FADS2: variants seen among roughly 807,000 people sequenced by gnomAD.
The protein encoded by FADS2 is fatty acid desaturase 2, also known as acyl-CoA 6-desaturase.
A neutral mutation model predicts 61.2 loss-of-function variants in FADS2; 18 were observed. That is an observed-to-expected ratio of 0.29 (90% confidence interval 0.20 to 0.44). The LOEUF (loss-of-function observed/expected upper bound fraction) is 0.44, where lower values mean the gene tolerates loss of function less well. FADS2 is among the 20% of genes least tolerant of loss of function. The pLI, the probability that FADS2 is intolerant of heterozygous loss-of-function variation, is 1.00. For synonymous variants in FADS2, 203 were observed against 223.9 expected (o/e 0.91, Z 0.83); for missense variants, 322 against 572.7 (o/e 0.56, Z 4.47).
chr11:61,850,145 CT>C (rs1436203501), intron 5 of FADS2, among the ~76,000 whole-genome samples: 2 of 152,216 alleles, frequency 1.3e-5, no homozygotes, highest in African/African-American at 4.8e-5. Flanking sequence ...TCGTCTCCCT[CT>C]AGCCATATGG....
At chr11:61,844,931 A>T (rs1050913017) in intron 4 of FADS2, among the ~76,000 whole-genome samples, 20 of 150,654 alleles carry the variant, frequency 1.3e-4, no homozygotes, top group Admixed American at 9.2e-4. Context: ...TCTCAAAAAA[A>T]AAAAAGAAAA....
chr11:61,835,695 T>A (rs2067168245), intron 1 of FADS2, among the ~76,000 whole-genome samples: 1 of 151,246 alleles, frequency 6.6e-6, no homozygotes, highest in African/African-American at 2.4e-5. Flanking sequence ...CCCGGCCCCC[T>A]CTTCTTTTTA....
chr11:61,826,875 G>A (rs1471621454), upstream of FADS2, among the ~76,000 whole-genome samples: 2 of 152,116 alleles, frequency 1.3e-5, no homozygotes, highest in Non-Finnish European at 1.5e-5. Flanking sequence ...GGCAGGGCCC[G>A]TTTGACCATC....
At chr11:61,837,389 T>C (rs1414219469) in intron 1 of FADS2, among the ~76,000 whole-genome samples, 1 of 152,208 alleles carries the variant, frequency 6.6e-6, no homozygotes, top group Non-Finnish European at 1.5e-5. Context: ...GTGGGTGGTG[T>C]GGTTTGTGCA....
intron 7 of FADS2, chr11:61,862,750 C>A (rs2067428848): frequency 1.8e-6 from 1 of 568,548 alleles, no homozygotes. Context: ...AAACAGGGCA[C>A]AGTCACTTCC....
chr11:61,852,712 A>T (rs1467781263), intron 5 of FADS2, among the ~76,000 whole-genome samples: 3 of 151,808 alleles, frequency 2.0e-5, no homozygotes, highest in Admixed American at 2.0e-4. Context: ...TTTTTTTCTA[A>T]ATTTTTGTTT....
At chr11:61,864,223 A>C (rs1441582947) in intron 10 of FADS2, 1 of 155,528 alleles carries the variant, frequency 6.4e-6, no homozygotes, top group East Asian at 1.9e-4. Context: ...AAAAATGTAG[A>C]GACAGAGTCT....
In FADS2 at chr11:61,816,787, C is replaced by A. The variant is rs2066989128; in HGVS notation, c.141+361C>A. ...TGGCCTGGCGACGCCGCGCGCCGGG[C>A]CAGCAGGGGCTGTCAGGCGCGTGCT... is the stretch of plus-strand genomic sequence containing the variant. On this transcript the variant is annotated intron_variant, in intron 1 of 11. Transcript: ENST00000257261. The surrounding 1 kb of genome is among the most constrained non-coding windows in gnomAD (Gnocchi z 7.0). The A allele has an allele frequency of 6.6e-7, 1 of 1,511,724 alleles. No individual in the cohort carries two copies. Among genetic ancestry groups the A allele is most frequent in the African/African-American group, 1.4e-5 (1 of 70,160 alleles). 93.6% of individuals were successfully genotyped at this position (1,511,724 alleles called of 1,614,324 possible). A position where few individuals can be genotyped will look rare whatever the true frequency, so the allele number is the denominator to read the frequency against.
In FADS2 at chr11:61,840,547, C is replaced by T. The variant is rs762035834; in HGVS notation, c.516+16C>T. The T allele has an allele frequency of 6.2e-7, 1 of 1,614,024 alleles. No individual in the cohort carries two copies. The highest frequency in any genetic ancestry group is 1.7e-5 in the Admixed American group (1 of 60,028). On this transcript the variant is annotated intron_variant, in intron 3 of 11. Transcript: ENST00000278840. Reference sequence around the variant, plus strand: ...TACCTCTCAGGTGAGGCGTGACACCCTCACTTCCCCTAGCTGACAGAGGCC... The same window carrying T: ...TACCTCTCAGGTGAGGCGTGACACCTTCACTTCCCCTAGCTGACAGAGGCC...
chr11:61,840,766 C>A, intron 4 of FADS2, 41 bp downstream of exon 4: 1 of 1,424,154 alleles, frequency 7.0e-7, no homozygotes, highest in Non-Finnish European at 9.9e-7. Context: ...TGTTGGACAG[C>A]AGTTGAGACA....
upstream of FADS2, chr11:61,826,253 T>C: frequency 1.4e-6 from 1 of 702,448 alleles, no homozygotes; most frequent in Non-Finnish European, 2.6e-6. Flanking sequence ...TTCATTTGTG[T>C]CTTCAACACA....
chr11:61,816,961 C>A lies in FADS2; in HGVS notation c.141+535C>A. ...AGCCTCGTGGCGCGGGGAGCGAGAT[C>A]CCGTCCCCCGGTGGGTCTTGGGCAA... is the stretch of plus-strand genomic sequence containing the variant. On this transcript the variant is annotated intron_variant, in intron 1 of 11. Transcript: ENST00000257261. This position sits in a 1 kb window ranked among gnomAD's most constrained non-coding sequence, Gnocchi z 7.0. 7.3e-7 allele frequency: 1 copy of A among 1,372,764 alleles called. No homozygotes were observed. Among genetic ancestry groups the A allele is most frequent in the Non-Finnish European group, 9.3e-7 (1 of 1,071,296 alleles). The allele number at this position is 1,372,764 out of a possible 1,614,324, so 85.0% of individuals were successfully genotyped here.
rs1225688593 is a variant in FADS2 at position 61,828,301 on chromosome 11, G to A, written c.-90G>A. 1.3e-6 allele frequency: 2 copies of A among 1,511,966 alleles called. No individual in the cohort carries two copies. The highest frequency in any genetic ancestry group is 1.4e-5 in the African/African-American group (1 of 72,402). The allele number at this position is 1,511,966 out of a possible 1,614,324, so 93.7% of individuals were successfully genotyped here. On this transcript the variant is annotated 5_prime_UTR_variant, in exon 1 of 12. Coordinates refer to ENST00000278840, the MANE Select transcript of FADS2 (RefSeq NM_004265.4). This position sits in a 1 kb window ranked among gnomAD's most constrained non-coding sequence, Gnocchi z 6.4. Reference sequence around the variant, plus strand: ...GCCGAAAGCGAAGAGGGCCCGGGCTGCACACACCGGCTGGGAGGCAGCCGT... The same window carrying A: ...GCCGAAAGCGAAGAGGGCCCGGGCTACACACACCGGCTGGGAGGCAGCCGT...
intron 1 of FADS2, among the ~76,000 whole-genome samples, chr11:61,818,811 T>C (rs1307884534): frequency 6.6e-6 from 1 of 152,180 alleles, no homozygotes; most frequent in Non-Finnish European, 1.5e-5. Flanking sequence ...CTCATACTGC[T>C]GGTAGAAGTG....
intron 1 of FADS2, among the ~76,000 whole-genome samples, chr11:61,829,814 G>A (rs1272667618): frequency 3.9e-5 from 6 of 152,132 alleles, no homozygotes; most frequent in African/African-American, 7.2e-5. Context: ...GTGTAGGCCC[G>A]ACCCTTAACT....
At chr11:61,860,301 C>G (rs979212294) in intron 7 of FADS2, among the ~76,000 whole-genome samples, 8 of 152,258 alleles carry the variant, frequency 5.3e-5, no homozygotes, top group Non-Finnish European at 8.8e-5. Flanking sequence ...GTTGGGGGAC[C>G]CTGGCTTAGA....
At chr11:61,823,641 C>T (rs1174030371), upstream of FADS2, among the ~76,000 whole-genome samples, 1 of 152,172 alleles carries the variant, frequency 6.6e-6, no homozygotes, top group Non-Finnish European at 1.5e-5. Context: ...CTCAGCCTCC[C>T]GAGTAGCTGG....
rs780622410 is a variant in FADS2, at chr11:61,865,306, G to T, written c.1283+29G>T. The T allele has an allele frequency of 3.1e-6, 5 of 1,609,788 alleles. No individual in the cohort carries two copies. The highest frequency in any genetic ancestry group is 4.2e-6 in the Non-Finnish European group (5 of 1,178,918). On this transcript the variant is annotated intron_variant, in intron 11 of 11. Coordinates refer to ENST00000278840, the MANE Select transcript of FADS2 (RefSeq NM_004265.4). This position sits in a 1 kb window ranked among gnomAD's most constrained non-coding sequence, Gnocchi z 4.1. Reference sequence around the variant, plus strand: ...AGGGGTGGAGGTCCACAGGCGCTGGGCCCTGGGATCACCCGTGGTGCAGAC... The same window carrying T: ...AGGGGTGGAGGTCCACAGGCGCTGGTCCCTGGGATCACCCGTGGTGCAGAC...
At position 61,821,614 on chromosome 11, in the gene FADS2, C is replaced by G. The variant is rs1459487861; in HGVS notation, c.141+5188C>G. The G allele has an allele frequency of 7.2e-6, 4 of 555,672 alleles. No homozygotes were observed. In the East Asian group the frequency reaches 1.1e-4, roughly 16 times the overall value. The allele number at this position is 555,672 out of a possible 1,614,324, so 34.4% of individuals were successfully genotyped here. On this transcript the variant is annotated intron_variant, in intron 1 of 11. Transcript: ENST00000257261. ...TGCTGCAGCCTCCCCTCAGTAGCAG[C>G]CCTTCAGGCCATTAAAGACCAAAAC...
Sources: allele counts gnomAD v4.1 joint callset (sites outside exome capture counted in the v4.1 genomes callset), GRCh38; gene constraint gnomAD v4.1.1; non-coding constraint Gnocchi (gnomAD v3.1); transcripts MANE v1.5; gene names NCBI Gene and HGNC (gene_info 2026-07-23, HGNC 2026-07-21).